The following SLC25A48 variants were observed in gnomAD, a reference collection of about 807,000 sequenced individuals.
SLC25A48 encodes solute carrier family 25 member 48, also known as CTC-321K16.1.
A neutral mutation model predicts 32.2 loss-of-function variants in SLC25A48; 29 were observed. That is an observed-to-expected ratio of 0.90 (90% CI 0.67 to 1.23). The LOEUF (loss-of-function observed/expected upper bound fraction) is 1.23. Among genes scored for constraint, SLC25A48 ranks in the 50% most tolerant of loss-of-function variants. SLC25A48 has a pLI of 0.00. For synonymous variants in SLC25A48, 164 were observed against 172.3 expected (o/e 0.95, Z 0.38); for missense variants, 399 against 422.7 (o/e 0.94, Z 0.49).
At chr5:135,764,173 C>A (rs1756140984) in intron 3 of SLC25A48, among the ~76,000 whole-genome samples, 1 of 151,930 alleles carries the variant, frequency 6.6e-6, no homozygotes, top group Non-Finnish European at 1.5e-5. Flanking sequence ...TTCCATATGG[C>A]AGGGGGTGTA....
intron 7 of SLC25A48, among the ~76,000 whole-genome samples, chr5:135,886,238 C>T (rs931701501): frequency 3.3e-5 from 5 of 152,004 alleles, no homozygotes; most frequent in African/African-American, 7.2e-5. Context: ...TTCCAGGCTG[C>T]GGGCTGGCTC....
At chr5:135,713,182 T>A (rs1037389676) in intron 3 of SLC25A48, among the ~76,000 whole-genome samples, 1 of 152,200 alleles carries the variant, frequency 6.6e-6, no homozygotes, top group Non-Finnish European at 1.5e-5. Context: ...ACCTTCTGAA[T>A]TGCAACCTGC....
At chr5:135,727,529 TA>T (rs1755118037) in intron 3 of SLC25A48, among the ~76,000 whole-genome samples, 1 of 152,212 alleles carries the variant, frequency 6.6e-6, no homozygotes, top group Non-Finnish European at 1.5e-5. Context: ...CTAAAAGTTT[TA>T]TAGTGTTTCG....
At chr5:135,689,192 G>T (rs1388436042) in intron 3 of SLC25A48, among the ~76,000 whole-genome samples, 2 of 152,162 alleles carry the variant, frequency 1.3e-5, no homozygotes, top group Non-Finnish European at 2.9e-5. Flanking sequence ...GCAAGGAACT[G>T]GGTGCCTCAG....
chr5:135,773,874 C>A (rs1358994073), intron 3 of SLC25A48, among the ~76,000 whole-genome samples: 1 of 151,104 alleles, frequency 6.6e-6, no homozygotes, highest in Non-Finnish European at 1.5e-5. Context: ...ATCACAGGGA[C>A]TGTACACCAC....
intron 3 of SLC25A48, among the ~76,000 whole-genome samples, chr5:135,638,505 A>G (rs1199359856): frequency 2.6e-5 from 4 of 152,214 alleles, no homozygotes; most frequent in Non-Finnish European, 5.9e-5. Flanking sequence ...GCTTTACAAG[A>G]CCTAAACAAA....
At chr5:135,855,966 G>T (rs569424133) in intron 4 of SLC25A48, among the ~76,000 whole-genome samples, 3 of 152,328 alleles carry the variant, frequency 2.0e-5, no homozygotes, top group East Asian at 1.9e-4. Context: ...GTTCCTCCTT[G>T]CTGGGAAAGA....
In SLC25A48 at chr5:135,724,417, C is replaced by G. The variant is rs534125970; in HGVS notation, c.-520-88106C>G. The stretch of plus-strand genomic sequence containing the variant: ...AGGTAGGCGTGAGCCCCTGCGCCAC[C>G]CAGCTCCTCGAGTGAGGGCCTTTCC... On this transcript the variant is annotated intron_variant, in intron 3 of 10. Coordinates refer to the SLC25A48 transcript ENST00000646290. Among the ~76,000 whole-genome samples, 300 of 152,348 alleles carry G rather than the reference C, an allele frequency of 2.0e-3. 1 individual carries two copies. The highest frequency in any genetic ancestry group is 6.7e-3 in the African/African-American group (279 of 41,582).
chr5:135,871,675 A>G lies in SLC25A48; in HGVS notation c.636A>G (p.Thr212=). ...AGTGGATCACACCTGAGGCCTGCAC[A>G]GGCCCCAGCCCCTGTGCCGTGTGGC... is the stretch of plus-strand genomic sequence containing the variant. ...LSEWITPEAC[T]GPSPCAVWLA... is the part of the protein sequence containing the mutation. The change falls in exon 5 of 8, where the codon ACA becomes ACG. Residue 212 remains threonine (T), a synonymous_variant. Transcript: ENST00000681962. 1 of 1,614,048 alleles carries G rather than the reference A, an allele frequency of 6.2e-7. No individual in the cohort carries two copies. The highest frequency in any genetic ancestry group is 8.5e-7 in the Non-Finnish European group (1 of 1,179,942).
At chr5:135,852,535 C>T (rs774411746) in intron 3 of SLC25A48, 28 bp from the exon 4 acceptor site, 13 of 1,572,838 alleles carry the variant, frequency 8.3e-6, no homozygotes, top group Admixed American at 5.2e-5. Context: ...GGGGTCCTCA[C>T]GCCTCTTCCT....
At chr5:135,829,417 C>G (rs980980727) in intron 4 of SLC25A48, among the ~76,000 whole-genome samples, 1 of 152,166 alleles carries the variant, frequency 6.6e-6, no homozygotes, top group Non-Finnish European at 1.5e-5. Flanking sequence ...AGCCTCAACC[C>G]GCAGGTTGAC....
intron 1 of SLC25A48, among the ~76,000 whole-genome samples, chr5:135,611,522 A>AAAAAG (rs1752066940): frequency 6.9e-6 from 1 of 143,914 alleles, no homozygotes; most frequent in African/African-American, 2.6e-5. Flanking sequence ...AAAAAAAAAA[A>AAAAAG]AAAAAGAAAA....
chr5:135,708,398 C>T (rs574576566), intron 3 of SLC25A48, among the ~76,000 whole-genome samples: 2 of 152,324 alleles, frequency 1.3e-5, no homozygotes, highest in South Asian at 4.1e-4. Flanking sequence ...CTCCTAGTAT[C>T]TCTCTCTTCC....
At position 135,776,273 on chromosome 5, in the gene SLC25A48, TG is replaced by T. The variant is rs1270022553; in HGVS notation, c.-520-36244del. Among the ~76,000 whole-genome samples, 3 of 124,290 alleles carry T rather than the reference TG, an allele frequency of 2.4e-5. 1 individual carries two copies. The highest frequency in any genetic ancestry group is 9.5e-3 in the Middle Eastern group (2 of 210). 81.5% of individuals were successfully genotyped at this position (124,290 alleles called of 152,430 possible). ...GATATTGTTCCTCATATCTGGGGGGTGGGGGGCAGAGAGAATAATATTACTT... is the reference window on the plus strand; with the variant it reads ...GATATTGTTCCTCATATCTGGGGGGTGGGGGCAGAGAGAATAATATTACTT... On this transcript the variant is annotated intron_variant, in intron 3 of 10. Coordinates refer to the SLC25A48 transcript ENST00000646290.
At chr5:135,639,349 A>G (rs1027246481) in intron 3 of SLC25A48, among the ~76,000 whole-genome samples, 1 of 152,216 alleles carries the variant, frequency 6.6e-6, no homozygotes, top group African/African-American at 2.4e-5. Flanking sequence ...TTCCACAAAC[A>G]CCCATCACCA....
At chr5:135,667,541 C>G (rs188057045) in intron 3 of SLC25A48, among the ~76,000 whole-genome samples, 284 of 152,258 alleles carry the variant, frequency 1.9e-3, no homozygotes, top group African/African-American at 6.7e-3. Flanking sequence ...CCTTAGCTTT[C>G]TTGTTATTTT....
At chr5:135,619,689 G>A (rs1752276581) in intron 1 of SLC25A48, among the ~76,000 whole-genome samples, 1 of 152,126 alleles carries the variant, frequency 6.6e-6, no homozygotes, top group South Asian at 2.1e-4. Flanking sequence ...GCTGTTCATT[G>A]GGTAGCGTAC....
chr5:135,737,614 T>G (rs144892555), intron 3 of SLC25A48, among the ~76,000 whole-genome samples: 1,857 of 152,228 alleles, frequency 0.012, 31 homozygotes, highest in African/African-American at 0.042. Flanking sequence ...CTGGAAAAGC[T>G]CTTTGTTTGT....
intron 3 of SLC25A48, among the ~76,000 whole-genome samples, chr5:135,705,983 GTC>G (rs2126970043): frequency 6.6e-6 from 1 of 152,344 alleles, no homozygotes; most frequent in African/African-American, 2.4e-5. Context: ...GTTCTCAAGA[GTC>G]TCTCACCTGT....
Sources: allele counts gnomAD v4.1 joint callset (sites outside exome capture counted in the v4.1 genomes callset), GRCh38; gene constraint gnomAD v4.1.1; transcripts MANE v1.5; gene names NCBI Gene and HGNC (gene_info 2026-07-23, HGNC 2026-07-21).